Variants in CC2D2B observed in about 807,000 individuals in gnomAD.
CC2D2B encodes the protein protein CC2D2B.
CC2D2B carries 128 observed loss-of-function variants against 161.2 expected under a neutral mutation model. The observed-to-expected ratio is 0.79, with a 90% CI of 0.69 to 0.92. The LOEUF (loss-of-function observed/expected upper bound fraction) is 0.92. Among genes scored for constraint, CC2D2B ranks in the 40% least tolerant of loss-of-function variants. The pLI is 0.00. For synonymous variants in CC2D2B, 391 were observed against 449.8 expected (o/e 0.87, Z 1.65); for missense variants, 1,173 against 1,375.1 (o/e 0.85, Z 2.32).
intron 10 of CC2D2B, among the ~76,000 whole-genome samples, chr10:95,953,031 C>T (rs1248754619): frequency 1.3e-5 from 2 of 152,028 alleles, no homozygotes; most frequent in African/African-American, 4.8e-5. Flanking sequence ...AGAGCCTTCA[C>T]CAATATTCAG....
chr10:95,924,937 C>A, intron 5 of CC2D2B, 93 bp downstream of exon 5: 1 of 713,264 alleles, frequency 1.4e-6, no homozygotes, highest in Non-Finnish European at 2.4e-6. Flanking sequence ...GTGTATATGA[C>A]TCAATGATTT....
At position 95,924,809 on chromosome 10, in the gene CC2D2B, C is replaced by A. The variant is rs1409726051; in HGVS notation, c.205C>A (p.Gln69Lys). 6.5e-7 allele frequency: 1 copy of A among 1,546,916 alleles called. No individual in the cohort carries two copies. Among genetic ancestry groups the A allele is most frequent in the Non-Finnish European group, 8.7e-7 (1 of 1,143,064 alleles). Residue 69 changes from glutamine (Q) to lysine (K), a missense_variant, in exon 5 of 35, where the codon CAG becomes AAG. This residue lies in a region of CC2D2B where 298 missense variants were observed against 261.2 expected (regional missense o/e 1.14). Coordinates refer to ENST00000646931, the MANE Select transcript of CC2D2B (RefSeq NM_001349008.3). ...TAAAGGTGAAAAATCTTCAACTGAG[C>A]AGCTCATTGATAGCGAAATACATCA... ...INKGEKSSTE[Q>K]LIDSEIHQRS... is the part of the protein sequence containing the mutation.
intron 26 of CC2D2B, among the ~76,000 whole-genome samples, chr10:96,011,178 G>A (rs1167787584): frequency 6.6e-6 from 1 of 152,248 alleles, no homozygotes; most frequent in Non-Finnish European, 1.5e-5. Flanking sequence ...TGCACAATGT[G>A]CAATCACATG....
chr10:95,939,907 T>C (rs1317405185), intron 9 of CC2D2B, among the ~76,000 whole-genome samples: 2 of 152,188 alleles, frequency 1.3e-5, no homozygotes, highest in African/African-American at 2.4e-5. Context: ...GCTAATTTTC[T>C]CACTGTCTGT....
At chr10:95,967,279 T>G (rs2076972118) in intron 14 of CC2D2B, among the ~76,000 whole-genome samples, 1 of 152,016 alleles carries the variant, frequency 6.6e-6, no homozygotes, top group Non-Finnish European at 1.5e-5. Flanking sequence ...ATAAAAAGAC[T>G]ATCTAAACAA....
chr10:95,990,159 A>G (rs2077892094), intron 20 of CC2D2B, among the ~76,000 whole-genome samples: 2 of 152,190 alleles, frequency 1.3e-5, no homozygotes, highest in Admixed American at 6.5e-5. Context: ...CTCCTTGAGT[A>G]TATATTCTAT....
At chr10:95,921,003 C>T (rs919768941) in intron 2 of CC2D2B, 1 of 152,728 alleles carries the variant, frequency 6.5e-6, no homozygotes, top group Admixed American at 6.5e-5. Flanking sequence ...TGCAAGCACT[C>T]CCTTGGCTGC....
At chr10:95,908,657 G>A (rs968544119) in intron 1 of CC2D2B, among the ~76,000 whole-genome samples, 5 of 152,054 alleles carry the variant, frequency 3.3e-5, no homozygotes, top group Non-Finnish European at 7.4e-5. Context: ...CTTAGATGGG[G>A]AAGTGATGTG....
At chr10:95,915,244 T>G (rs1262545724) in intron 2 of CC2D2B, among the ~76,000 whole-genome samples, 1 of 152,230 alleles carries the variant, frequency 6.6e-6, no homozygotes, top group Non-Finnish European at 1.5e-5. Flanking sequence ...GCTACTGACT[T>G]TTGTATATCA....
intron 1 of CC2D2B, among the ~76,000 whole-genome samples, chr10:95,910,065 T>C (rs1014178198): frequency 1.3e-5 from 2 of 152,124 alleles, no homozygotes; most frequent in Admixed American, 1.3e-4. Flanking sequence ...TGGAAGCAGG[T>C]GGATCACTTG....
chr10:95,950,703 C>G (rs2076370050), intron 10 of CC2D2B, among the ~76,000 whole-genome samples: 1 of 152,154 alleles, frequency 6.6e-6, no homozygotes, highest in Non-Finnish European at 1.5e-5. Context: ...CAAATCCCCT[C>G]TAAGCTATTT....
At chr10:95,909,798 G>T (rs1231142720) in intron 1 of CC2D2B, among the ~76,000 whole-genome samples, 1 of 152,176 alleles carries the variant, frequency 6.6e-6, no homozygotes, top group East Asian at 1.9e-4. Flanking sequence ...GTGCCAAAAA[G>T]AAGTCTGTGC....
At chr10:96,022,686 A>G (rs1029362621) in intron 32 of CC2D2B, 1 of 152,238 alleles carries the variant, frequency 6.6e-6, no homozygotes, top group African/African-American at 2.4e-5. Flanking sequence ...ATTTCCCACT[A>G]TGAGCCAGTG....
chr10:95,947,571 G>A lies in CC2D2B; in HGVS notation c.802-2325G>A, dbSNP rs754601071. 1.1e-4 allele frequency among the ~76,000 whole-genome samples: 16 copies of A among 151,990 alleles called. 1 individual carries two copies. In the South Asian group the frequency reaches 1.9e-3, roughly 18 times the overall value. On this transcript the variant is annotated intron_variant, in intron 9 of 34. Coordinates refer to ENST00000646931, the MANE Select transcript of CC2D2B (RefSeq NM_001349008.3). ...ATCCTGGCCAAAATGGTGAAACACC[G>A]TCTCTACTAAAAATACAAACATTAG...
rs2077233044 is a variant in CC2D2B at position 95,974,020 on chromosome 10, C to T, written c.1807C>T (p.Leu603Phe). Residue 603 changes from leucine (L) to phenylalanine (F), a missense_variant, in exon 17 of 35, where the codon CTT becomes TTT. By Grantham distance (22) the Leu-to-Phe change is conservative. Transcript: ENST00000646931. ...CCTTTTATAAACAGATGTGCCTTTT[C>T]TTCTTGAGGGAAATGGAACTGAAGA... ...DGEVGSNVPF[L>F]LEGNGTEELC... 8.1e-7 allele frequency: 1 copy of T among 1,231,446 alleles called. No homozygotes were observed. The highest frequency in any genetic ancestry group is 1.6e-5 in the African/African-American group (1 of 64,380). The allele number at this position is 1,231,446 out of a possible 1,614,324, so 76.3% of individuals were successfully genotyped here. A position where few individuals can be genotyped will look rare whatever the true frequency, so the allele number is the denominator to read the frequency against.
intron 15 of CC2D2B, among the ~76,000 whole-genome samples, chr10:95,971,401 AAAAG>A (rs1469865849): frequency 2.6e-5 from 4 of 151,818 alleles, no homozygotes; most frequent in East Asian, 1.9e-4. Flanking sequence ...AAAAAAAAAA[AAAAG>A]AAAGAAAAAA....
intron 16 of CC2D2B, among the ~76,000 whole-genome samples, chr10:95,973,267 G>A (rs892669458): frequency 1.2e-4 from 19 of 152,064 alleles, no homozygotes; most frequent in Admixed American, 9.2e-4. Flanking sequence ...AAAATTTAGG[G>A]AACACTGTGC....
chr10:95,995,928 C>A (rs1320425564), intron 23 of CC2D2B, among the ~76,000 whole-genome samples: 1 of 152,046 alleles, frequency 6.6e-6, no homozygotes, highest in African/African-American at 2.4e-5. Context: ...ACTTTAAAAT[C>A]CTTAAGAGAA....
intron 24 of CC2D2B, chr10:96,000,320 C>A: frequency 2.5e-6 from 1 of 404,544 alleles, no homozygotes; most frequent in Non-Finnish European, 3.3e-6. Context: ...TTTCGTCTGT[C>A]TTTATTTATT....
Sources: allele counts gnomAD v4.1 joint callset (sites outside exome capture counted in the v4.1 genomes callset), GRCh38; gene constraint gnomAD v4.1.1; regional missense constraint gnomAD v4.1.1; transcripts MANE v1.5; gene names NCBI Gene and HGNC (gene_info 2026-07-23, HGNC 2026-07-21).